SPATA17: variants seen among roughly 807,000 people sequenced by gnomAD.
The protein encoded by SPATA17 is spermatogenesis associated 17.
Under a neutral mutation model 62.2 loss-of-function variants are expected in SPATA17, and 53 were observed. The observed-to-expected ratio is 0.85, with a 90% CI of 0.68 to 1.07. The LOEUF is 1.07. Ranked by LOEUF, SPATA17 falls within the 50% of genes least tolerant of loss-of-function variation. The pLI, the probability that SPATA17 is intolerant of heterozygous loss-of-function variation, is 0.00. For synonymous variants in SPATA17, 146 were observed against 146.8 expected, an observed-to-expected ratio of 0.99 and a Z score of 0.04; for missense variants, 466 against 425.5, an observed-to-expected ratio of 1.10 and a Z score of -0.84.
intron 5 of SPATA17, among the ~76,000 whole-genome samples, chr1:217,708,241 T>C (rs1252517453): frequency 6.6e-6 from 1 of 152,038 alleles, no homozygotes; most frequent in Non-Finnish European, 1.5e-5. Context: ...CAAAACATGA[T>C]ACAAAAGATC....
intron 9 of SPATA17, among the ~76,000 whole-genome samples, chr1:217,808,477 A>G (rs529124612): frequency 5.9e-5 from 9 of 152,246 alleles, no homozygotes; most frequent in Admixed American, 2.0e-4. Flanking sequence ...ACCAGATCTA[A>G]TGATTCTATT....
intron 9 of SPATA17, among the ~76,000 whole-genome samples, chr1:217,842,570 T>A (rs970312832): frequency 6.6e-4 from 100 of 152,088 alleles, no homozygotes; most frequent in African/African-American, 2.4e-3. Flanking sequence ...TGGCAAAAAA[T>A]TGCTCATGAT....
At chr1:217,757,483 G>T (rs529068612) in intron 6 of SPATA17, among the ~76,000 whole-genome samples, 46 of 152,280 alleles carry the variant, frequency 3.0e-4, no homozygotes, top group East Asian at 3.9e-4. Context: ...CAAGAGGTGC[G>T]GGGAAGGGGC....
At chr1:217,806,933 C>T (rs142914287) in intron 9 of SPATA17, among the ~76,000 whole-genome samples, 27 of 152,058 alleles carry the variant, frequency 1.8e-4, no homozygotes, top group African/African-American at 4.3e-4. Context: ...ATATATGCAG[C>T]GCACATACAG....
At chr1:217,699,828 T>A (rs1023520049) in intron 5 of SPATA17, among the ~76,000 whole-genome samples, 1 of 152,214 alleles carries the variant, frequency 6.6e-6, no homozygotes, top group Admixed American at 6.5e-5. Flanking sequence ...AAAAGTTTTA[T>A]TGTCGTCCAT....
intron 5 of SPATA17, among the ~76,000 whole-genome samples, chr1:217,690,832 T>C (rs1671336293): frequency 7.0e-6 from 1 of 142,246 alleles, no homozygotes; most frequent in Non-Finnish European, 1.5e-5. Flanking sequence ...TCATTTTTTA[T>C]GGCTGCATAG....
At chr1:217,758,693 A>G (rs1215874707) in intron 6 of SPATA17, among the ~76,000 whole-genome samples, 1 of 152,238 alleles carries the variant, frequency 6.6e-6, no homozygotes, top group Non-Finnish European at 1.5e-5. Flanking sequence ...AACATAATCA[A>G]CAATGGAACT....
chr1:217,844,067 A>G (rs945456220), intron 9 of SPATA17, among the ~76,000 whole-genome samples: 1 of 152,300 alleles, frequency 6.6e-6, no homozygotes, highest in African/African-American at 2.4e-5. Context: ...AAGCTAGTAC[A>G]TTAGTCTGAC....
At chr1:217,719,325 G>A (rs774830232) in intron 5 of SPATA17, among the ~76,000 whole-genome samples, 4 of 152,188 alleles carry the variant, frequency 2.6e-5, no homozygotes, top group Non-Finnish European at 4.4e-5. Context: ...TTTTCCTAAT[G>A]TGGACATTTT....
At chr1:217,853,932 A>T (rs2103013195) in intron 9 of SPATA17, among the ~76,000 whole-genome samples, 1 of 152,304 alleles carries the variant, frequency 6.6e-6, no homozygotes, top group Admixed American at 6.5e-5. Context: ...CAGCCAAATT[A>T]AATTTAAAGG....
chr1:217,804,670 G>A (rs1674392674), intron 9 of SPATA17, among the ~76,000 whole-genome samples: 1 of 152,084 alleles, frequency 6.6e-6, no homozygotes, highest in African/African-American at 2.4e-5. Context: ...AAATATATAA[G>A]GAACTCATAC....
At chr1:217,748,011 A>T (rs1224745864) in intron 6 of SPATA17, among the ~76,000 whole-genome samples, 1 of 152,186 alleles carries the variant, frequency 6.6e-6, no homozygotes, top group Non-Finnish European at 1.5e-5. Context: ...TTAATTTTAA[A>T]AATTAAACTT....
intron 5 of SPATA17, among the ~76,000 whole-genome samples, chr1:217,698,848 C>T (rs1671525746): frequency 1.3e-5 from 2 of 152,156 alleles, no homozygotes; most frequent in Non-Finnish European, 2.9e-5. Context: ...CTTTTATAAC[C>T]ACATTCACTT....
intron 10 of SPATA17, among the ~76,000 whole-genome samples, chr1:217,863,238 T>C (rs759004315): frequency 6.7e-6 from 1 of 150,044 alleles, no homozygotes. Context: ...TTCTCCTGCC[T>C]CAGCCTCCAG....
chr1:217,642,522 G>T (rs988989077), intron 1 of SPATA17, among the ~76,000 whole-genome samples: 3 of 152,062 alleles, frequency 2.0e-5, no homozygotes, highest in African/African-American at 7.3e-5. Context: ...GACTGATATG[G>T]TTTGGCTCTG....
At chr1:217,806,204 TC>T (rs1039408909) in intron 9 of SPATA17, among the ~76,000 whole-genome samples, 3 of 152,204 alleles carry the variant, frequency 2.0e-5, no homozygotes, top group African/African-American at 7.2e-5. Flanking sequence ...CCTTTTTGGT[TC>T]AATATTTTGC....
intron 5 of SPATA17, among the ~76,000 whole-genome samples, chr1:217,708,171 C>A (rs1247152017): frequency 6.6e-6 from 1 of 152,062 alleles, no homozygotes. Flanking sequence ...CACATCAACC[C>A]CAAAGATAGC....
At chr1:217,775,999 A>C (rs2102973045) in intron 7 of SPATA17, among the ~76,000 whole-genome samples, 1 of 152,226 alleles carries the variant, frequency 6.6e-6, no homozygotes, top group Middle Eastern at 3.4e-3. Flanking sequence ...TGTATTATCA[A>C]TTTTATTGAA....
At chr1:217,820,595 G>C (rs1674833441) in intron 9 of SPATA17, among the ~76,000 whole-genome samples, 1 of 151,744 alleles carries the variant, frequency 6.6e-6, no homozygotes, top group African/African-American at 2.4e-5. Context: ...TTGGAAGTCA[G>C]TTACAGAGAA....
Sources: gnomAD v4.1 joint callset for allele counts (sites outside exome capture counted in the v4.1 genomes callset) on GRCh38, gnomAD v4.1.1 for gene constraint, MANE v1.5 for transcripts, NCBI Gene and HGNC (gene_info 2026-07-23, HGNC 2026-07-21) for gene names.